Variants in SPOCK1 observed in about 807,000 individuals in gnomAD.
SPOCK1 encodes testican-1.
In SPOCK1, 23 loss-of-function variants were observed where a neutral mutation model predicts 55.3. That is an observed-to-expected ratio of 0.42 (90% CI 0.30 to 0.59). SPOCK1 has a LOEUF of 0.59. Ranked by LOEUF, SPOCK1 falls within the 20% of genes least tolerant of loss-of-function variation. SPOCK1 has a pLI of 0.22. For missense variants in SPOCK1, 499 were observed against 552.5 expected (o/e 0.90, Z 0.97); for synonymous variants, 226 against 221.0 (o/e 1.02, Z -0.20).
At chr5:137,044,056 T>C (rs1409695046) in intron 6 of SPOCK1, among the ~76,000 whole-genome samples, 1 of 152,186 alleles carries the variant, frequency 6.6e-6, no homozygotes, top group Non-Finnish European at 1.5e-5. Flanking sequence ...AGAGTTTATG[T>C]GAAAAAATTA....
At chr5:137,172,157 C>T (rs1278249363) in intron 3 of SPOCK1, among the ~76,000 whole-genome samples, 1 of 152,174 alleles carries the variant, frequency 6.6e-6, no homozygotes, top group African/African-American at 2.4e-5. Flanking sequence ...ATCTTCCAGA[C>T]AGACAAATAA....
chr5:137,316,349 G>A (rs921054161), intron 2 of SPOCK1, among the ~76,000 whole-genome samples: 1 of 152,214 alleles, frequency 6.6e-6, no homozygotes, highest in African/African-American at 2.4e-5. Flanking sequence ...CGGCTAGCTA[G>A]AAAAAATCCT....
intron 6 of SPOCK1, among the ~76,000 whole-genome samples, chr5:137,011,487 C>T (rs972580806): frequency 3.3e-5 from 5 of 152,148 alleles, no homozygotes; most frequent in Non-Finnish European, 5.9e-5. Flanking sequence ...TCATGCTTTC[C>T]ACAATTTCCC....
In SPOCK1 at chr5:137,409,390, G is replaced by C. The variant is rs1752164751; in HGVS notation, c.186+88983C>G. 2.0e-5 allele frequency among the ~76,000 whole-genome samples: 3 copies of C among 152,196 alleles called. No individual in the cohort carries two copies. The South Asian group carries it at 6.2e-4, about 32-fold the overall frequency. ...TGCAGGTGGAGAGGGAGGCTGCCAT[G>C]GGATAAGGCTGAAGAGTGCTGGGCT... On this transcript the variant is annotated intron_variant, in intron 2 of 10. Transcript: ENST00000394945.
chr5:137,124,721 G>A (rs538728242), intron 4 of SPOCK1, among the ~76,000 whole-genome samples: 67 of 152,258 alleles, frequency 4.4e-4, no homozygotes, highest in African/African-American at 1.6e-3. Flanking sequence ...AGAACTGCAG[G>A]TCTGAGAGAC....
chr5:137,228,298 G>A (rs1321499898), intron 3 of SPOCK1, among the ~76,000 whole-genome samples: 1 of 152,204 alleles, frequency 6.6e-6, no homozygotes, highest in African/African-American at 2.4e-5. Flanking sequence ...ACACAGAAGT[G>A]AATCACAAAA....
intron 2 of SPOCK1, among the ~76,000 whole-genome samples, chr5:137,357,229 G>A (rs57327452): frequency 6.6e-6 from 1 of 152,216 alleles, no homozygotes; most frequent in East Asian, 1.9e-4. Flanking sequence ...AGGCCACCGT[G>A]CTAACTCCAT....
chr5:137,270,052 C>T (rs1032662497), intron 2 of SPOCK1, among the ~76,000 whole-genome samples: 4 of 152,178 alleles, frequency 2.6e-5, no homozygotes, highest in Non-Finnish European at 5.9e-5. Context: ...AGTGTGTCTG[C>T]CCCGGCACGA....
In SPOCK1 at chr5:137,376,800, T is replaced by C. The variant is rs577618514; in HGVS notation, c.187-109745A>G. Among the ~76,000 whole-genome samples, 7 of 152,156 alleles carry C rather than the reference T, an allele frequency of 4.6e-5. No individual in the cohort carries two copies. The South Asian group carries it at 1.5e-3, about 32-fold the overall frequency. The stretch of plus-strand genomic sequence containing the variant: ...TCCAACCTTTGTCTATATAGATGCA[T>C]AGAAAAAAAGATTAGAAGGTCAACA... On this transcript the variant is annotated intron_variant, in intron 2 of 10. Coordinates refer to ENST00000394945, the MANE Select transcript of SPOCK1 (RefSeq NM_004598.4).
chr5:137,061,625 C>T (rs1752395009), intron 6 of SPOCK1, among the ~76,000 whole-genome samples: 1 of 152,166 alleles, frequency 6.6e-6, no homozygotes, highest in African/African-American at 2.4e-5. Flanking sequence ...AACAGTTCCA[C>T]AGCCTTCTCC....
At chr5:137,241,597 A>T (rs759455950) in intron 3 of SPOCK1, among the ~76,000 whole-genome samples, 1 of 152,218 alleles carries the variant, frequency 6.6e-6, no homozygotes, top group Non-Finnish European at 1.5e-5. Flanking sequence ...CTCCACCCTC[A>T]TGAATGATGA....
chr5:137,088,346 A>G (rs1436393328), intron 5 of SPOCK1, among the ~76,000 whole-genome samples: 3 of 152,340 alleles, frequency 2.0e-5, no homozygotes, highest in East Asian at 1.9e-4. Context: ...GGTTTTATCA[A>G]TGTGAGCTGG....
At chr5:137,401,572 A>AC in intron 2 of SPOCK1, among the ~76,000 whole-genome samples, 1 of 150,482 alleles carries the variant, frequency 6.6e-6, no homozygotes, top group Non-Finnish European at 1.5e-5. Flanking sequence ...AAAAAAAAAA[A>AC]AAAAAAATGT....
intron 3 of SPOCK1, among the ~76,000 whole-genome samples, chr5:137,181,155 T>A (rs1314797420): frequency 6.6e-6 from 1 of 152,018 alleles, no homozygotes; most frequent in Admixed American, 6.6e-5. Flanking sequence ...AGGAATAGTA[T>A]CAAGTTGGGC....
At chr5:136,985,237 G>A in intron 8 of SPOCK1, 35 bp from the exon 9 acceptor site, 1 of 1,576,248 alleles carries the variant, frequency 6.3e-7, no homozygotes, top group Non-Finnish European at 8.7e-7. Context: ...GCTTCCAGAT[G>A]GTATGGAGTA....
At chr5:137,470,789 C>T (rs1753723667) in intron 2 of SPOCK1, among the ~76,000 whole-genome samples, 1 of 152,168 alleles carries the variant, frequency 6.6e-6, no homozygotes, top group Admixed American at 6.5e-5. Flanking sequence ...GCCCTCTCTC[C>T]AGTACTAAAA....
At chr5:137,187,563 C>T (rs2127068090) in intron 3 of SPOCK1, among the ~76,000 whole-genome samples, 1 of 152,258 alleles carries the variant, frequency 6.6e-6, no homozygotes, top group South Asian at 2.1e-4. Context: ...TAATCTCCCT[C>T]CCATTTGCCA....
chr5:137,359,031 T>G (rs548460575), intron 2 of SPOCK1, among the ~76,000 whole-genome samples: 8 of 152,350 alleles, frequency 5.3e-5, no homozygotes, highest in African/African-American at 1.9e-4. Context: ...TCACAGCCAG[T>G]TAGCCTCAAA....
At chr5:137,476,067 A>T (rs1344069103) in intron 2 of SPOCK1, among the ~76,000 whole-genome samples, 1 of 151,564 alleles carries the variant, frequency 6.6e-6, no homozygotes, top group Non-Finnish European at 1.5e-5. Context: ...GTTCAAGGGT[A>T]CATGTACAGG....
Sources: gnomAD v4.1 joint callset for allele counts (sites outside exome capture counted in the v4.1 genomes callset) on GRCh38, gnomAD v4.1.1 for gene constraint, MANE v1.5 for transcripts, NCBI Gene and HGNC (gene_info 2026-07-23, HGNC 2026-07-21) for gene names.